HSPG2: variants seen among roughly 807,000 people sequenced by gnomAD.
HSPG2 encodes the protein basement membrane-specific heparan sulfate proteoglycan core protein.
In HSPG2, 278 loss-of-function variants were observed where a neutral mutation model predicts 526.6. The observed-to-expected ratio is 0.53, with a 90% CI of 0.48 to 0.58. The LOEUF (loss-of-function observed/expected upper bound fraction) is 0.58, where lower values mean the gene tolerates loss of function less well. Among genes scored for constraint, HSPG2 ranks in the 20% least tolerant of loss-of-function variants. HSPG2 has a pLI of 0.00. For missense variants in HSPG2, 5,354 were observed against 6,099.5 expected (o/e 0.88, Z 4.07); for synonymous variants, 2,465 against 2,555.4 (o/e 0.96, Z 1.07).
chr1:21,887,147 G>C lies in HSPG2; in HGVS notation c.1078+68C>G. The C allele has an allele frequency of 6.3e-7, 1 of 1,584,174 alleles. No homozygotes were observed. The highest frequency in any genetic ancestry group is 1.7e-5 in the Admixed American group (1 of 58,666). On this transcript the variant is annotated intron_variant, in intron 9 of 96. Coordinates refer to ENST00000374695, the MANE Select transcript of HSPG2 (RefSeq NM_005529.7). This position sits in a 1 kb window ranked among gnomAD's most constrained non-coding sequence, Gnocchi z 5.0. ...GCAGGGTAGGGGCGGGGCAGGAGTG[G>C]AAGGCGGGGCAGGAGCAAGCGGCCT...
chr1:21,925,584 A>T (rs972134712), intron 1 of HSPG2, among the ~76,000 whole-genome samples: 1 of 152,204 alleles, frequency 6.6e-6, no homozygotes, highest in Non-Finnish European at 1.5e-5. Context: ...TCTGGGGAAC[A>T]TTATCACTGG....
intron 75 of HSPG2, among the ~76,000 whole-genome samples, chr1:21,836,375 G>A (rs1199773622): frequency 6.6e-6 from 1 of 152,196 alleles, no homozygotes; most frequent in Non-Finnish European, 1.5e-5. Flanking sequence ...AGGTTGGAGT[G>A]CAATGGTGCG....
Position 21,848,119 on chromosome 1 carries a change from A to T in HSPG2, c.7738-26T>A. The T allele has an allele frequency of 5.1e-6, 8 of 1,561,216 alleles. No individual in the cohort carries two copies. Among genetic ancestry groups the T allele is most frequent in the Non-Finnish European group, 6.9e-6 (8 of 1,154,110 alleles). On this transcript the variant is annotated intron_variant, in intron 59 of 96. Coordinates refer to ENST00000374695, the MANE Select transcript of HSPG2 (RefSeq NM_005529.7). The surrounding 1 kb of genome is among the most constrained non-coding windows in gnomAD (Gnocchi z 4.9). ...CTGCAGGAAGCAGATGGCAGGAGGT[A>T]TGGCAGTAGGTGTGGGCAGCTCCTC...
At chr1:21,844,443 G>A in intron 64 of HSPG2, 144 bp from the exon 65 acceptor site, 3 of 936,956 alleles carry the variant, frequency 3.2e-6, no homozygotes, top group Non-Finnish European at 4.7e-6. Flanking sequence ...GGAGCAGCTG[G>A]GCTAGCCTGG....
At chr1:21,840,982 C>T in intron 71 of HSPG2, 119 bp downstream of exon 71, 1 of 870,532 alleles carries the variant, frequency 1.1e-6, no homozygotes, top group East Asian at 2.7e-5. Context: ...CCCATTCCTC[C>T]CTTCCTCTCT....
chr1:21,844,836 C>T (rs1367052259), intron 64 of HSPG2, among the ~76,000 whole-genome samples: 1 of 152,202 alleles, frequency 6.6e-6, no homozygotes, highest in Non-Finnish European at 1.5e-5. Flanking sequence ...CTAAGAAGTG[C>T]TGGATCATGT....
chr1:21,859,903 G>C lies in HSPG2; in HGVS notation c.5114C>G (p.Pro1705Arg). ...CTCACGGGACCAATAGAAGTAGTGG[G>C]GTGGGCTCCCACTGACCTGACACCG... ...SLRCQVSGSP[P>R]HYFYWSREDG... The change falls in exon 41 of 97, where the codon CCC (proline) becomes CGC (arginine). Residue 1705 changes from proline (P) to arginine (R), a missense_variant. Transcript: ENST00000374695. The surrounding 1 kb of genome is among the most constrained non-coding windows in gnomAD (Gnocchi z 5.3). The C allele has an allele frequency of 6.2e-7, 1 of 1,610,506 alleles. No homozygotes were observed. Among genetic ancestry groups the C allele is most frequent in the Non-Finnish European group, 8.5e-7 (1 of 1,179,358 alleles).
chr1:21,834,457 T>C (rs1227813178), intron 77 of HSPG2, among the ~76,000 whole-genome samples: 3 of 152,194 alleles, frequency 2.0e-5, no homozygotes. Context: ...TGATGCTCTA[T>C]GGCCTAGCTC....
intron 1 of HSPG2, among the ~76,000 whole-genome samples, chr1:21,900,095 T>C (rs34565080): frequency 0.031 from 4,788 of 152,114 alleles, 130 homozygotes; most frequent in African/African-American, 0.07. Flanking sequence ...TCTCCGGCGG[T>C]GAGGGAGCCC....
Position 21,859,189 on chromosome 1 carries a change from T to C in HSPG2, c.5293+377A>G, listed in dbSNP as rs1004900634. The stretch of plus-strand genomic sequence containing the variant: ...CAGTTCTCCCGAGTAGCTGGGATTA[T>C]AGGTGTGTACCACCATGCCCAGCTA... On this transcript the variant is annotated intron_variant, in intron 42 of 96. Coordinates refer to ENST00000374695, the MANE Select transcript of HSPG2 (RefSeq NM_005529.7). This position sits in a 1 kb window ranked among gnomAD's most constrained non-coding sequence, Gnocchi z 5.3. Among the ~76,000 whole-genome samples, 1 of 152,108 alleles carries C rather than the reference T, an allele frequency of 6.6e-6. No individual in the cohort carries two copies. Among genetic ancestry groups the C allele is most frequent in the African/African-American group, 2.4e-5 (1 of 41,426 alleles).
At chr1:21,866,828 C>A (rs1299778296) in intron 33 of HSPG2, among the ~76,000 whole-genome samples, 1 of 152,210 alleles carries the variant, frequency 6.6e-6, no homozygotes. Context: ...ACTCAGCTAA[C>A]CAGCATTTAT....
chr1:21,923,290 C>T (rs1285991014), intron 1 of HSPG2, among the ~76,000 whole-genome samples: 1 of 152,070 alleles, frequency 6.6e-6, no homozygotes, highest in African/African-American at 2.4e-5. Context: ...GCCTGTAATC[C>T]CAGCTACTCG....
rs770634012 is a variant in HSPG2 at position 21,828,837 on chromosome 1, C to T, written c.12235G>A (p.Glu4079Lys). The T allele has an allele frequency of 2.5e-5, 38 of 1,550,310 alleles. No individual in the cohort carries two copies. The East Asian group carries it at 6.4e-4, about 26-fold the overall frequency. Reference protein sequence around the residue: ...MSAHFRGCVGEVSVNGKRLDL... With the variant: ...MSAHFRGCVGKVSVNGKRLDL... ...TGTCCCGAGGAGGCTGCTCTTACCT[C>T]GCCCACACAGCCGCGGAAGTGAGCG... The change falls in exon 88 of 97, where the codon GAG becomes AAG. Residue 4079 changes from glutamate (E) to lysine (K), a missense_variant and splice_region_variant. Glu to Lys is a moderately conservative substitution (Grantham distance 56, BLOSUM62 1). Transcript: ENST00000374695. The surrounding 1 kb of genome is among the most constrained non-coding windows in gnomAD (Gnocchi z 6.0).
In HSPG2 at chr1:21,874,672, G is replaced by A. The variant is rs200400126; in HGVS notation, c.3472C>T (p.Arg1158Cys). ...TCTGAGTGGCCATGGCAGCTGCAGC[G>A]TTCACAGGTACCCAGGTAGAGGCCA... ...PSGLYLGTCE[R>C]CSCHGHSEAC... Residue 1158 changes from arginine to cysteine, a missense_variant, in exon 27 of 97, where the codon CGC becomes TGC. Coordinates refer to ENST00000374695, the MANE Select transcript of HSPG2 (RefSeq NM_005529.7). 141 of 1,612,252 alleles carry A rather than the reference G, an allele frequency of 8.7e-5. No individual in the cohort carries two copies. Among genetic ancestry groups the A allele is most frequent in the Middle Eastern group, 1.6e-4 (1 of 6,084 alleles).
chr1:21,905,149 TACACACACACCCACCACCCACCCAC>T (rs1402686985), intron 1 of HSPG2, among the ~76,000 whole-genome samples: 1 of 147,090 alleles, frequency 6.8e-6, no homozygotes, highest in East Asian at 2.1e-4. Flanking sequence ...GTAATCTGTC[TACACACACACCCACCACCCACCCAC>T]ACACACACAC....
At chr1:21,892,122 C>T (rs766402298) in intron 3 of HSPG2, among the ~76,000 whole-genome samples, 1 of 152,254 alleles carries the variant, frequency 6.6e-6, no homozygotes. Context: ...CCATCAGGCC[C>T]GCAGGTGCAC....
Position 21,854,186 on chromosome 1 carries a change from T to A in HSPG2, c.6439+7A>T. 6.3e-7 allele frequency: 1 copy of A among 1,577,504 alleles called. No individual in the cohort carries two copies. On this transcript the variant is annotated splice_region_variant and intron_variant, in intron 50 of 96. Transcript: ENST00000374695. ...CAGCCCCGGCCCAGCCACACCTGGC[T>A]CCTCACCTGGGGTGTAGCTGGGGCC... is the stretch of plus-strand genomic sequence containing the variant.
rs1639828987 is a variant in HSPG2 at position 21,862,018 on chromosome 1, C to A, written c.4838G>T (p.Cys1613Phe). ...TAGTPEDCQP[C>F]ACPLTNPENM... ...CTCTGGGTTGGTCAGTGGGCAGGCA[C>A]AGGGCTGGCAGTCCTCAGGCGTCCC... Residue 1613 changes from cysteine to phenylalanine, a missense_variant, in exon 38 of 97, where the codon TGT (cysteine) becomes TTT (phenylalanine). By Grantham distance (205) the Cys-to-Phe change is radical (BLOSUM62 -2). Transcript: ENST00000374695. 1 of 1,614,212 alleles carries A rather than the reference C, an allele frequency of 6.2e-7. No homozygotes were observed. The highest frequency in any genetic ancestry group is 8.5e-7 in the Non-Finnish European group (1 of 1,180,032).
chr1:21,842,327 C>G lies in HSPG2; in HGVS notation c.8964G>C (p.Glu2988Asp), dbSNP rs775084474. Residue 2988 changes from glutamate (E) to aspartate (D), a missense_variant, in exon 68 of 97, where the codon GAG (glutamate) becomes GAC (aspartate). Physicochemically the swap from Glu to Asp is conservative, Grantham distance 45. Transcript: ENST00000374695. ...LHLVSPADSG[E>D]YVCRAASGPG... ...GGCCGCTGGCTGCACGACACACATA[C>G]TCGCCTGAGTCGGCAGGGGAGACGA... is the stretch of plus-strand genomic sequence containing the variant. 1 of 1,612,402 alleles carries G rather than the reference C, an allele frequency of 6.2e-7. No homozygotes were observed. The highest frequency in any genetic ancestry group is 2.2e-5 in the East Asian group (1 of 44,842).
Sources: gnomAD v4.1 joint callset for allele counts (sites outside exome capture counted in the v4.1 genomes callset) on GRCh38, gnomAD v4.1.1 for gene constraint, Gnocchi (gnomAD v3.1) non-coding constraint, MANE v1.5 for transcripts, NCBI Gene and HGNC (gene_info 2026-07-23, HGNC 2026-07-21) for gene names.